TLK1: variants seen among roughly 807,000 people sequenced by gnomAD.
TLK1 encodes the protein tousled like kinase 1.
A neutral mutation model predicts 105.3 loss-of-function variants in TLK1; 24 were observed. That is an observed-to-expected ratio of 0.23 (90% CI 0.17 to 0.32). TLK1 has a LOEUF of 0.32. Among genes scored for constraint, TLK1 ranks in the 10% least tolerant of loss-of-function variants. The probability of loss-of-function intolerance (pLI) is 1.00; values close to 1 mark genes in which losing one functional copy is unlikely to be tolerated. For synonymous variants in TLK1, 321 were observed against 310.4 expected (o/e 1.03, Z -0.36); for missense variants, 558 against 910.5 (o/e 0.61, Z 4.98).
At chr2:171,182,576 T>A (rs1692945440) in intron 1 of TLK1, among the ~76,000 whole-genome samples, 1 of 152,040 alleles carries the variant, frequency 6.6e-6, no homozygotes. Flanking sequence ...TAGAGAGACA[T>A]GATAACTGGG....
chr2:171,081,518 T>C (rs1688752671), intron 3 of TLK1: 1 of 447,122 alleles, frequency 2.2e-6, no homozygotes, highest in South Asian at 2.6e-5. Flanking sequence ...ACATTCTTGA[T>C]ACACTTTTTA....
chr2:171,168,486 G>A (rs2105300785), intron 1 of TLK1, among the ~76,000 whole-genome samples: 1 of 152,194 alleles, frequency 6.6e-6, no homozygotes, highest in East Asian at 1.9e-4. Flanking sequence ...TTAGAAGTGT[G>A]TATTCAGGGC....
intron 1 of TLK1, among the ~76,000 whole-genome samples, chr2:171,166,987 A>C (rs1692621304): frequency 6.6e-6 from 1 of 152,232 alleles, no homozygotes; most frequent in African/African-American, 2.4e-5. Context: ...AAAATCATTC[A>C]AAACTAAATC....
chr2:171,012,857 G>A (rs930653089), intron 13 of TLK1, among the ~76,000 whole-genome samples: 1 of 152,046 alleles, frequency 6.6e-6, no homozygotes, highest in African/African-American at 2.4e-5. Context: ...TGAGAAACTT[G>A]TAGATATAAG....
intron 1 of TLK1, among the ~76,000 whole-genome samples, chr2:171,128,667 C>A (rs1690968083): frequency 6.6e-6 from 1 of 152,020 alleles, no homozygotes; most frequent in Admixed American, 6.6e-5. Flanking sequence ...CACAACTAAC[C>A]AAGTTCCTCT....
At chr2:170,998,256 T>A (rs971823924) in intron 18 of TLK1, among the ~76,000 whole-genome samples, 2 of 152,210 alleles carry the variant, frequency 1.3e-5, no homozygotes, top group South Asian at 4.1e-4. Context: ...ATACACCTGA[T>A]CACATGGTTC....
intron 1 of TLK1, among the ~76,000 whole-genome samples, chr2:171,136,497 C>T (rs1691330881): frequency 6.6e-6 from 1 of 152,016 alleles, no homozygotes; most frequent in African/African-American, 2.4e-5. Flanking sequence ...ACCTGGGAGG[C>T]GGAGGTTGCA....
At chr2:171,019,391 G>A (rs1685368654) in intron 12 of TLK1, among the ~76,000 whole-genome samples, 1 of 152,092 alleles carries the variant, frequency 6.6e-6, no homozygotes, top group Non-Finnish European at 1.5e-5. Flanking sequence ...GGAGTATTTT[G>A]GAGCATTTCT....
chr2:171,131,857 A>T (rs1477979010), intron 1 of TLK1, among the ~76,000 whole-genome samples: 20 of 151,662 alleles, frequency 1.3e-4, no homozygotes, highest in African/African-American at 4.6e-4. Context: ...AACAATTGAG[A>T]TTACATTTTA....
At chr2:171,180,937 G>A (rs1334587204) in intron 1 of TLK1, among the ~76,000 whole-genome samples, 2 of 151,832 alleles carry the variant, frequency 1.3e-5, no homozygotes, top group African/African-American at 4.8e-5. Context: ...CAGAGACTTG[G>A]GGCTTTAAAA....
In TLK1 at chr2:171,160,187, T is replaced by C; in HGVS notation, c.139+103A>G. On this transcript the variant is annotated intron_variant, in intron 1 of 20. Transcript: ENST00000431350. This position sits in a 1 kb window ranked among gnomAD's most constrained non-coding sequence, Gnocchi z 4.4. ...CTCGCCACCATCCCCCACCCCAGGG[T>C]CTGGCGGAGAAGCCCCGGGGCGGGG... is the stretch of plus-strand genomic sequence containing the variant. 5.0e-6 allele frequency: 6 copies of C among 1,202,278 alleles called. No homozygotes were observed. The highest frequency in any genetic ancestry group is 5.2e-6 in the Non-Finnish European group (5 of 953,992). 74.5% of individuals were successfully genotyped at this position (1,202,278 alleles called of 1,614,324 possible). A position where few individuals can be genotyped will look rare whatever the true frequency, so the allele number is the denominator to read the frequency against.
chr2:171,056,429 C>A, intron 6 of TLK1, 42 bp downstream of exon 6: 2 of 1,537,606 alleles, frequency 1.3e-6, no homozygotes, highest in Non-Finnish European at 1.8e-6. Flanking sequence ...TGTACATAAC[C>A]CTCCCAAAGA....
intron 2 of TLK1, among the ~76,000 whole-genome samples, chr2:171,096,022 T>A (rs1689436897): frequency 6.6e-6 from 1 of 151,108 alleles, no homozygotes; most frequent in Admixed American, 6.6e-5. Flanking sequence ...CCCAGAGCAA[T>A]CAGGCTAAAG....
intron 2 of TLK1, among the ~76,000 whole-genome samples, chr2:171,098,949 T>A (rs1689575699): frequency 1.3e-5 from 2 of 152,080 alleles, no homozygotes; most frequent in African/African-American, 4.8e-5. Flanking sequence ...AATCTAGAAA[T>A]AAAAGGAAAC....
At chr2:171,003,159 G>C (rs1446330783) in intron 18 of TLK1, among the ~76,000 whole-genome samples, 13 of 150,902 alleles carry the variant, frequency 8.6e-5, no homozygotes, top group Admixed American at 8.6e-4. Flanking sequence ...CTGTGGTCCC[G>C]GCTGCTCAGG....
chr2:171,165,046 CAGAA>C (rs962472483), upstream of TLK1, among the ~76,000 whole-genome samples: 50 of 152,258 alleles, frequency 3.3e-4, no homozygotes, highest in African/African-American at 1.2e-3. Flanking sequence ...CAGATTCAGA[CAGAA>C]AGAGACACGT....
chr2:171,112,487 G>A (rs902490232), intron 2 of TLK1, among the ~76,000 whole-genome samples: 1 of 151,974 alleles, frequency 6.6e-6, no homozygotes, highest in Non-Finnish European at 1.5e-5. Flanking sequence ...TCTTTAATTT[G>A]GGCAGTTATA....
At chr2:171,111,138 A>G (rs1301446887) in intron 2 of TLK1, among the ~76,000 whole-genome samples, 1 of 152,250 alleles carries the variant, frequency 6.6e-6, no homozygotes, top group East Asian at 1.9e-4. Context: ...AGCTCTGGCA[A>G]GAATGAACAG....
At chr2:171,133,213 A>G (rs780520575) in intron 1 of TLK1, among the ~76,000 whole-genome samples, 1 of 152,220 alleles carries the variant, frequency 6.6e-6, no homozygotes, top group Non-Finnish European at 1.5e-5. Context: ...GGGACATGTT[A>G]GGCAGCCATC....
Sources: gnomAD v4.1 joint callset for allele counts (sites outside exome capture counted in the v4.1 genomes callset) on GRCh38, gnomAD v4.1.1 for gene constraint, Gnocchi (gnomAD v3.1) non-coding constraint, MANE v1.5 for transcripts, NCBI Gene and HGNC (gene_info 2026-07-23, HGNC 2026-07-21) for gene names.